The following DLGAP2 variants were observed in gnomAD, a reference collection of about 807,000 sequenced individuals.
DLGAP2 encodes DLG associated protein 2.
In DLGAP2, 26 loss-of-function variants were observed where a neutral mutation model predicts 100.3. The ratio of observed to expected loss-of-function variants is 0.26; its 90% CI spans 0.19 to 0.36. DLGAP2 has a LOEUF of 0.36. Among genes scored for constraint, DLGAP2 ranks in the 10% least tolerant of loss-of-function variants. The pLI is 1.00. For synonymous variants in DLGAP2, 886 were observed against 630.1 expected, an observed-to-expected ratio of 1.41 and a Z score of -6.08; for missense variants, 1,858 against 1,453.2, an observed-to-expected ratio of 1.28 and a Z score of -4.53.
intron 1 of DLGAP2, among the ~76,000 whole-genome samples, chr8:889,752 C>T (rs1034790612): frequency 6.6e-6 from 1 of 152,302 alleles, no homozygotes; most frequent in African/African-American, 2.4e-5. Flanking sequence ...GGAGTTAAAA[C>T]AGCTTAGACA....
intron 6 of DLGAP2, among the ~76,000 whole-genome samples, chr8:1,613,318 C>G (rs1386354409): frequency 6.7e-6 from 1 of 149,972 alleles, no homozygotes; most frequent in Non-Finnish European, 1.5e-5. Flanking sequence ...CGCATATTCT[C>G]ACTCATAGGT....
intron 6 of DLGAP2, among the ~76,000 whole-genome samples, chr8:1,589,019 A>G (rs911452155): frequency 6.6e-6 from 1 of 152,222 alleles, no homozygotes; most frequent in Non-Finnish European, 1.5e-5. Context: ...AGCAAATGCC[A>G]TGGTACCATA....
At chr8:944,710 A>G (rs1799274689) in intron 2 of DLGAP2, among the ~76,000 whole-genome samples, 1 of 147,264 alleles carries the variant, frequency 6.8e-6, no homozygotes, top group African/African-American at 2.5e-5. Flanking sequence ...GACTTTGTGC[A>G]GGTGATCCAG....
chr8:973,687 C>G (rs1026243551), intron 2 of DLGAP2, among the ~76,000 whole-genome samples: 1 of 152,242 alleles, frequency 6.6e-6, no homozygotes, highest in Non-Finnish European at 1.5e-5. Context: ...GTTCCAGCTC[C>G]TTTCTCTTTC....
chr8:1,041,175 G>A (rs1173107733), intron 2 of DLGAP2, among the ~76,000 whole-genome samples: 1 of 152,180 alleles, frequency 6.6e-6, no homozygotes, highest in Non-Finnish European at 1.5e-5. Context: ...GCAGGATTAT[G>A]TAAATTTTGG....
intron 5 of DLGAP2, among the ~76,000 whole-genome samples, chr8:1,557,327 A>G (rs1338756782): frequency 6.6e-6 from 1 of 151,948 alleles, no homozygotes; most frequent in Non-Finnish European, 1.5e-5. Context: ...AATGGCTATA[A>G]CTGTGCCTGC....
chr8:1,664,764 C>T (rs1035064047), intron 8 of DLGAP2, among the ~76,000 whole-genome samples: 5 of 152,186 alleles, frequency 3.3e-5, no homozygotes, highest in Middle Eastern at 3.2e-3. Context: ...ACAACTTTTA[C>T]GAAAGTCAGT....
At chr8:984,292 C>A (rs772512937) in intron 2 of DLGAP2, among the ~76,000 whole-genome samples, 2 of 152,194 alleles carry the variant, frequency 1.3e-5, no homozygotes, top group African/African-American at 2.4e-5. Context: ...GTCAAAATCT[C>A]TCTCAAGGAT....
chr8:1,128,873 C>A (rs957950638), intron 2 of DLGAP2, among the ~76,000 whole-genome samples: 1 of 152,124 alleles, frequency 6.6e-6, no homozygotes, highest in Admixed American at 6.5e-5. Flanking sequence ...TGGAAATAAG[C>A]CCTGAAGGTA....
chr8:760,650 C>G (rs1006657984), intron 1 of DLGAP2, among the ~76,000 whole-genome samples: 2 of 152,188 alleles, frequency 1.3e-5, no homozygotes, highest in South Asian at 4.1e-4. Flanking sequence ...CTGACTCCTG[C>G]TCTCATGGCA....
rs569630522 is a variant in DLGAP2 at position 1,443,804 on chromosome 8, G to A, written c.107-57562G>A. 3.3e-4 allele frequency among the ~76,000 whole-genome samples: 50 copies of A among 152,234 alleles called. 1 individual carries two copies. In the South Asian group the frequency reaches 0.01, roughly 31 times the overall value. On this transcript the variant is annotated intron_variant, in intron 3 of 14. Coordinates refer to ENST00000637795, the MANE Select transcript of DLGAP2 (RefSeq NM_001346810.2). ...CCTGGCCCCACCCTTGACACGTGGG[G>A]ATTATTACAATTCAAGATGAGATTT...
At chr8:912,425 G>T (rs1483893360) in intron 2 of DLGAP2, among the ~76,000 whole-genome samples, 1 of 152,204 alleles carries the variant, frequency 6.6e-6, no homozygotes, top group Non-Finnish European at 1.5e-5. Context: ...GCAGCAATGT[G>T]CTGGTCCGCG....
At chr8:1,533,244 A>G (rs1403717181) in intron 4 of DLGAP2, among the ~76,000 whole-genome samples, 1 of 152,080 alleles carries the variant, frequency 6.6e-6, no homozygotes, top group East Asian at 1.9e-4. Flanking sequence ...CATGCCTGTA[A>G]TTCCAGCACT....
Position 1,029,528 on chromosome 8 carries a change from G to A in DLGAP2, c.73+121562G>A, listed in dbSNP as rs1017500604. 1.2e-3 allele frequency among the ~76,000 whole-genome samples: 184 copies of A among 152,196 alleles called. 2 individuals are homozygous for A. Among genetic ancestry groups the A allele is most frequent in the African/African-American group, 4.4e-3 (181 of 41,500 alleles). ...GCGTCCAGCGGTGCCGAGAGGTTCG[G>A]GTAGGACGACCAACGGTGTCCAGCA... On this transcript the variant is annotated intron_variant, in intron 2 of 14. Coordinates refer to ENST00000637795, the MANE Select transcript of DLGAP2 (RefSeq NM_001346810.2).
At chr8:862,301 T>G (rs971622643) in intron 1 of DLGAP2, among the ~76,000 whole-genome samples, 7 of 148,954 alleles carry the variant, frequency 4.7e-5, no homozygotes, top group African/African-American at 1.7e-4. Context: ...GGACTCCAGT[T>G]TTTTTTTTTT....
intron 5 of DLGAP2, among the ~76,000 whole-genome samples, chr8:1,550,286 C>T (rs937253567): frequency 2.0e-5 from 3 of 152,292 alleles, no homozygotes; most frequent in African/African-American, 4.8e-5. Flanking sequence ...ATTGACGGCA[C>T]GCTATGGCTT....
intron 1 of DLGAP2, among the ~76,000 whole-genome samples, chr8:904,397 G>A (rs1021226543): frequency 6.6e-6 from 1 of 152,196 alleles, no homozygotes; most frequent in Non-Finnish European, 1.5e-5. Context: ...GCAGGTGCCT[G>A]TAATCCCAGT....
intron 2 of DLGAP2, among the ~76,000 whole-genome samples, chr8:1,148,580 C>G (rs1796645861): frequency 6.6e-6 from 1 of 151,254 alleles, no homozygotes; most frequent in African/African-American, 2.4e-5. Context: ...TTTTTATGTT[C>G]AGCTTTAGCT....
chr8:1,040,046 G>T (rs1158066258), intron 2 of DLGAP2, among the ~76,000 whole-genome samples: 3 of 122,742 alleles, frequency 2.4e-5, no homozygotes, highest in African/African-American at 9.3e-5. Context: ...GTGCATGGTC[G>T]GCTCGGTGTG....
Sources: gnomAD v4.1 joint callset for allele counts (sites outside exome capture counted in the v4.1 genomes callset) on GRCh38, gnomAD v4.1.1 for gene constraint, MANE v1.5 for transcripts, NCBI Gene and HGNC (gene_info 2026-07-23, HGNC 2026-07-21) for gene names.